The following SMCHD1 variants were observed in gnomAD, a reference collection of about 807,000 sequenced individuals.
The protein encoded by SMCHD1 is structural maintenance of chromosomes flexible hinge domain containing 1.
In SMCHD1, 78 loss-of-function variants were observed where a neutral mutation model predicts 254.7. That is an observed-to-expected ratio of 0.31 (90% CI 0.26 to 0.37). The LOEUF (loss-of-function observed/expected upper bound fraction) is 0.37, where lower values mean the gene tolerates loss of function less well. SMCHD1 is among the 10% of genes least tolerant of loss of function. The pLI is 1.00. For synonymous variants in SMCHD1, 766 were observed against 794.9 expected (o/e 0.96, Z 0.61); for missense variants, 1,840 against 2,408.1 (o/e 0.76, Z 4.94).
At chr18:2,765,420 T>C (rs1438718582) in intron 37 of SMCHD1, among the ~76,000 whole-genome samples, 1 of 152,236 alleles carries the variant, frequency 6.6e-6, no homozygotes, top group Non-Finnish European at 1.5e-5. Context: ...GTCTAACTCA[T>C]TGCAGCATCA....
intron 17 of SMCHD1, among the ~76,000 whole-genome samples, chr18:2,710,086 C>G (rs1387806815): frequency 6.6e-6 from 1 of 152,090 alleles, no homozygotes; most frequent in Non-Finnish European, 1.5e-5. Flanking sequence ...TGGTTAACTT[C>G]TTTTTATATG....
In SMCHD1 at chr18:2,776,677, G is replaced by A. The variant is rs2076071465; in HGVS notation, c.5366+753G>A. ...GCTTTTCACGGCCTGTAATTGCATAGGAATGGGGACTTGAAGGAGAATGGT... is the reference window on the plus strand; with the variant it reads ...GCTTTTCACGGCCTGTAATTGCATAAGAATGGGGACTTGAAGGAGAATGGT... On this transcript the variant is annotated intron_variant, in intron 42 of 47. Transcript: ENST00000320876. Among the ~76,000 whole-genome samples, 3 of 152,094 alleles carry A rather than the reference G, an allele frequency of 2.0e-5. No homozygotes were observed. In the South Asian group the frequency reaches 6.2e-4, roughly 32 times the overall value.
chr18:2,693,574 G>C (rs2074224873), intron 7 of SMCHD1, among the ~76,000 whole-genome samples: 1 of 152,238 alleles, frequency 6.6e-6, no homozygotes, highest in African/African-American at 2.4e-5. Context: ...TGTGACATAT[G>C]ACTGTATATG....
In SMCHD1 at chr18:2,718,027, A is replaced by T; in HGVS notation, c.2261-131A>T. On this transcript the variant is annotated intron_variant, in intron 17 of 47. Transcript: ENST00000320876. This position sits in a 1 kb window ranked among gnomAD's most constrained non-coding sequence, Gnocchi z 4.6. ...CTGTTCACTTTCATAGGATAGTGTT[A>T]GATCTTTTGAAGCTTCAAAGCAGGT... is the stretch of plus-strand genomic sequence containing the variant. 1 of 630,348 alleles carries T rather than the reference A, an allele frequency of 1.6e-6. No homozygotes were observed. 39.0% of individuals were successfully genotyped at this position (630,348 alleles called of 1,614,324 possible).
At chr18:2,711,688 T>A (rs2509469) in intron 17 of SMCHD1, among the ~76,000 whole-genome samples, 48,061 of 151,014 alleles carry the variant, frequency 0.32, 9,677 homozygotes, top group Non-Finnish European at 0.45. Context: ...TTCACCGTTT[T>A]AGCCGGGATG....
intron 5 of SMCHD1, among the ~76,000 whole-genome samples, chr18:2,685,090 C>T (rs2143923572): frequency 1.1e-5 from 1 of 91,770 alleles, no homozygotes; most frequent in South Asian, 4.3e-4. Flanking sequence ...CTGTTCTGTC[C>T]CTTATTTTTT....
At position 2,769,836 on chromosome 18, in the gene SMCHD1, A is replaced by G. The variant is rs1568350931; in HGVS notation, c.4846+16A>G. Reference sequence around the variant, plus strand: ...TTTTACAATGGTAAGTTTCTAGGAAATAAATGGTTAAACTCCGTTGTTAGT... The same window carrying G: ...TTTTACAATGGTAAGTTTCTAGGAAGTAAATGGTTAAACTCCGTTGTTAGT... On this transcript the variant is annotated intron_variant, in intron 38 of 47. Transcript: ENST00000320876. 6.3e-7 allele frequency: 1 copy of G among 1,590,462 alleles called. No individual in the cohort carries two copies. Among genetic ancestry groups the G allele is most frequent in the East Asian group, 2.3e-5 (1 of 44,432 alleles).
intron 46 of SMCHD1, 111 bp from the exon 47 acceptor site, chr18:2,796,296 G>A: frequency 1.2e-6 from 1 of 849,700 alleles, no homozygotes; most frequent in Non-Finnish European, 1.8e-6. Flanking sequence ...GGCATTCTCA[G>A]TATACTTTCT....
intron 45 of SMCHD1, among the ~76,000 whole-genome samples, chr18:2,792,641 C>T (rs568859658): frequency 1.3e-5 from 2 of 152,266 alleles, no homozygotes; most frequent in South Asian, 4.1e-4. Context: ...TTATTATGTT[C>T]ATATTCTTCA....
intron 20 of SMCHD1, among the ~76,000 whole-genome samples, chr18:2,724,331 A>G (rs905209043): frequency 6.6e-6 from 1 of 151,704 alleles, no homozygotes; most frequent in African/African-American, 2.4e-5. Flanking sequence ...GTCAAATCTG[A>G]TGAAATTAGC....
intron 17 of SMCHD1, among the ~76,000 whole-genome samples, chr18:2,717,096 C>T (rs2074817125): frequency 6.6e-6 from 1 of 152,190 alleles, no homozygotes; most frequent in South Asian, 2.1e-4. Flanking sequence ...TGGCAGGTTT[C>T]TGTGCAGCCC....
At chr18:2,764,363 A>G (rs1568337906) in intron 37 of SMCHD1, among the ~76,000 whole-genome samples, 1 of 152,136 alleles carries the variant, frequency 6.6e-6, no homozygotes, top group Non-Finnish European at 1.5e-5. Flanking sequence ...CATTAATAGA[A>G]TTGTGCCTTT....
chr18:2,798,477 TA>T (rs1297902004), intron 47 of SMCHD1, among the ~76,000 whole-genome samples: 1 of 152,222 alleles, frequency 6.6e-6, no homozygotes, highest in African/African-American at 2.4e-5. Context: ...TGCTGGTTGG[TA>T]GGGCACCTGC....
rs767355383 is a variant in SMCHD1 at position 2,750,404 on chromosome 18, A to T, written c.4062A>T (p.Gly1354=). The change falls in exon 32 of 48, where the codon GGA becomes GGT. Residue 1354 remains glycine, a synonymous_variant. Coordinates refer to ENST00000320876, the MANE Select transcript of SMCHD1 (RefSeq NM_015295.3). ...KAIYNKSIIE[G]PIIKLMILPD... ...TCTATAACAAAAGTATCATAGAAGG[A>T]CCTATAATTAAGTTAATGATTCTTC... The T allele has an allele frequency of 1.2e-5, 20 of 1,612,418 alleles. No individual in the cohort carries two copies. The highest frequency in any genetic ancestry group is 2.7e-5 in the African/African-American group (2 of 74,866).
At chr18:2,798,627 T>C (rs2143870157) in intron 47 of SMCHD1, among the ~76,000 whole-genome samples, 1 of 152,352 alleles carries the variant, frequency 6.6e-6, no homozygotes, top group Non-Finnish European at 1.5e-5. Context: ...TTAAATAATA[T>C]GGTGTCTGGG....
chr18:2,714,777 GAA>G (rs1320394485), intron 17 of SMCHD1, among the ~76,000 whole-genome samples: 7 of 152,128 alleles, frequency 4.6e-5, no homozygotes, highest in Middle Eastern at 6.8e-3. Context: ...TGCTTGTCTG[GAA>G]AAGACTATTT....
At chr18:2,780,241 A>ACC (rs2076133622) in intron 44 of SMCHD1, among the ~76,000 whole-genome samples, 1 of 10,178 alleles carries the variant, frequency 9.8e-5, no homozygotes, top group Non-Finnish European at 1.6e-4. Context: ...CTCTATCTAA[A>ACC]AAAAAAAAAA....
intron 47 of SMCHD1, among the ~76,000 whole-genome samples, chr18:2,799,050 C>T (rs961506040): frequency 1.3e-5 from 2 of 152,000 alleles, no homozygotes; most frequent in South Asian, 2.1e-4. Context: ...TAATGATCAT[C>T]GGTCATATGT....
rs545479244 is a variant in SMCHD1 at position 2,738,614 on chromosome 18, AGTT to A, written c.3425+73_3425+75del. 2.0e-4 allele frequency: 263 copies of A among 1,315,998 alleles called. No homozygotes were observed. In the African/African-American group the frequency reaches 3.3e-3, roughly 17 times the overall value. 81.5% of individuals were successfully genotyped at this position (1,315,998 alleles called of 1,614,324 possible). Reference sequence around the variant, plus strand: ...CTGTCCTCCATTGCACATATATGAAAGTTGTTTTTAATGTAAAAATATTACGGT... The same window carrying A: ...CTGTCCTCCATTGCACATATATGAAAGTTTTTAATGTAAAAATATTACGGT... On this transcript the variant is annotated intron_variant, in intron 26 of 47. Coordinates refer to ENST00000320876, the MANE Select transcript of SMCHD1 (RefSeq NM_015295.3).
Sources: gnomAD v4.1 joint callset for allele counts (sites outside exome capture counted in the v4.1 genomes callset) on GRCh38, gnomAD v4.1.1 for gene constraint, Gnocchi (gnomAD v3.1) non-coding constraint, MANE v1.5 for transcripts, NCBI Gene and HGNC (gene_info 2026-07-23, HGNC 2026-07-21) for gene names.